SLC44A5: variants seen among roughly 807,000 people sequenced by gnomAD.
SLC44A5 encodes choline transporter-like protein 5.
A neutral mutation model predicts 101.8 loss-of-function variants in SLC44A5; 57 were observed. That is an observed-to-expected ratio of 0.56 (90% CI 0.45 to 0.70). The LOEUF (loss-of-function observed/expected upper bound fraction) is 0.70. Among genes scored for constraint, SLC44A5 ranks in the 30% least tolerant of loss-of-function variants. The pLI, the probability that SLC44A5 is intolerant of heterozygous loss-of-function variation, is 0.00. For synonymous variants in SLC44A5, 281 were observed against 290.9 expected (o/e 0.97, Z 0.35); for missense variants, 737 against 853.1 (o/e 0.86, Z 1.70).
At chr1:75,253,239 G>T (rs890844072) in intron 6 of SLC44A5, among the ~76,000 whole-genome samples, 1 of 152,164 alleles carries the variant, frequency 6.6e-6, no homozygotes, top group African/African-American at 2.4e-5. Context: ...AGTAATAGCA[G>T]GCCAGGCCCT....
At chr1:75,235,793 T>C (rs1351271252) in intron 11 of SLC44A5, among the ~76,000 whole-genome samples, 1 of 152,010 alleles carries the variant, frequency 6.6e-6, no homozygotes, top group Non-Finnish European at 1.5e-5. Flanking sequence ...GCTGCTACAT[T>C]CAAGGACCCA....
At chr1:75,632,884 A>G in the SLC44A5 span, among the ~76,000 whole-genome samples, 1 of 152,218 alleles carries the variant, frequency 6.6e-6, no homozygotes, top group South Asian at 2.1e-4. Flanking sequence ...GGCTAAATCA[A>G]TTAGTGTCTG....
At chr1:75,659,020 C>A in the SLC44A5 span, among the ~76,000 whole-genome samples, 1 of 151,828 alleles carries the variant, frequency 6.6e-6, no homozygotes, top group Non-Finnish European at 1.5e-5. Flanking sequence ...AATTGGAAAA[C>A]CTAGAAGAAA....
At chr1:75,299,579 T>A (rs1654252805) in intron 5 of SLC44A5, among the ~76,000 whole-genome samples, 1 of 152,176 alleles carries the variant, frequency 6.6e-6, no homozygotes, top group South Asian at 2.1e-4. Context: ...AATAATAACA[T>A]ATTAAAGTTT....
At chr1:75,619,374 T>G in the SLC44A5 span, among the ~76,000 whole-genome samples, 2 of 152,114 alleles carry the variant, frequency 1.3e-5, no homozygotes, top group African/African-American at 4.8e-5. Flanking sequence ...TGCGTTGCTG[T>G]ATAGATGTAC....
intron 2 of SLC44A5, among the ~76,000 whole-genome samples, chr1:75,400,737 C>T (rs923653718): frequency 6.6e-6 from 1 of 152,190 alleles, no homozygotes; most frequent in African/African-American, 2.4e-5. Context: ...TGAGGTCCTA[C>T]CTTGCTTCTG....
At chr1:75,309,272 G>A (rs1476701806) in intron 4 of SLC44A5, among the ~76,000 whole-genome samples, 2 of 152,070 alleles carry the variant, frequency 1.3e-5, no homozygotes, top group Non-Finnish European at 2.9e-5. Flanking sequence ...AGTGAGACCT[G>A]GTCTCCATAA....
chr1:75,206,532 C>T, intron 23 of SLC44A5: 6 of 1,008,734 alleles, frequency 5.9e-6, no homozygotes, highest in Non-Finnish European at 9.2e-6. Context: ...TACTCAAAAG[C>T]AACATTTCCA....
At chr1:75,225,816 G>A (rs907542356) in intron 13 of SLC44A5, among the ~76,000 whole-genome samples, 3 of 152,122 alleles carry the variant, frequency 2.0e-5, no homozygotes, top group South Asian at 4.1e-4. Context: ...ATTCTATTAA[G>A]CTCTGTATTT....
chr1:75,378,676 G>A lies in SLC44A5; in HGVS notation c.52+17907C>T, dbSNP rs1326303844. ...TACAGGAGGTGATATATCCTGAAAC[G>A]TTAAAATTAGAAGGAAAAGGTCCAG... is the stretch of plus-strand genomic sequence containing the variant. On this transcript the variant is annotated intron_variant, in intron 3 of 23. Transcript: ENST00000370859. Among the ~76,000 whole-genome samples, 3 of 81,448 alleles carry A rather than the reference G, an allele frequency of 3.7e-5. 1 individual carries two copies. The highest frequency in any genetic ancestry group is 6.3e-5 in the Non-Finnish European group (3 of 47,448). 53.4% of individuals were successfully genotyped at this position (81,448 alleles called of 152,430 possible).
intron 4 of SLC44A5, among the ~76,000 whole-genome samples, chr1:75,310,959 G>A (rs927397109): frequency 5.3e-5 from 8 of 151,830 alleles, no homozygotes; most frequent in African/African-American, 1.9e-4. Flanking sequence ...TTTAGCCATA[G>A]TAAATATATA....
the SLC44A5 span, among the ~76,000 whole-genome samples, chr1:75,618,806 C>T: frequency 6.6e-6 from 1 of 152,062 alleles, no homozygotes; most frequent in African/African-American, 2.4e-5. Flanking sequence ...CATGGTGGCT[C>T]AGCCTGTAAT....
At chr1:75,484,269 T>C (rs1285388079) in intron 2 of SLC44A5, among the ~76,000 whole-genome samples, 2 of 152,170 alleles carry the variant, frequency 1.3e-5, no homozygotes, top group African/African-American at 4.8e-5. Flanking sequence ...ACAAGTTAGT[T>C]ACTTCCAAGA....
chr1:75,368,459 C>T (rs1476210252), intron 3 of SLC44A5, among the ~76,000 whole-genome samples: 2 of 152,220 alleles, frequency 1.3e-5, no homozygotes, highest in Non-Finnish European at 2.9e-5. Context: ...GTGCAGAACC[C>T]GTAAACACCA....
intron 1 of SLC44A5, among the ~76,000 whole-genome samples, chr1:75,590,433 C>T (rs1026043198): frequency 2.0e-5 from 3 of 152,146 alleles, no homozygotes; most frequent in Admixed American, 1.3e-4. Flanking sequence ...CCTTGGTAAG[C>T]CTCTGAGACT....
chr1:75,431,873 A>G (rs1664634880), intron 2 of SLC44A5, among the ~76,000 whole-genome samples: 1 of 152,182 alleles, frequency 6.6e-6, no homozygotes, highest in Non-Finnish European at 1.5e-5. Flanking sequence ...CCTAGTAGTC[A>G]GAAAGTAATG....
chr1:75,233,084 T>C (rs369459123), intron 12 of SLC44A5, among the ~76,000 whole-genome samples: 68 of 152,268 alleles, frequency 4.5e-4, no homozygotes, highest in African/African-American at 1.5e-3. Flanking sequence ...GAAAGGAAGC[T>C]TCCACAGGTG....
At chr1:75,572,402 G>T (rs1303933701) in intron 1 of SLC44A5, among the ~76,000 whole-genome samples, 1 of 152,190 alleles carries the variant, frequency 6.6e-6, no homozygotes, top group Non-Finnish European at 1.5e-5. Context: ...ATTGGGATTT[G>T]AAGCTAGAAT....
rs921044569 is a variant in SLC44A5, at chr1:75,540,869, G to GT, written c.13+565dup. ...GATGGATAAGACCTAACCTATGCCT[G>GT]TAAGGGGCTTAAAATCTAACTATGG... On this transcript the variant is annotated intron_variant, in intron 2 of 23. Coordinates refer to ENST00000370859, the MANE Select transcript of SLC44A5 (RefSeq NM_001130058.2). Among the ~76,000 whole-genome samples, 21 of 152,318 alleles carry GT rather than the reference G, an allele frequency of 1.4e-4. 1 individual carries two copies. Among genetic ancestry groups the GT allele is most frequent in the African/African-American group, 5.1e-4 (21 of 41,580 alleles).
Sources: allele counts gnomAD v4.1 joint callset (sites outside exome capture counted in the v4.1 genomes callset), GRCh38; gene constraint gnomAD v4.1.1; transcripts MANE v1.5; gene names NCBI Gene and HGNC (gene_info 2026-07-23, HGNC 2026-07-21).